Variants in CEP128 observed in about 807,000 individuals in gnomAD.
CEP128 encodes the protein centrosomal protein 128.
Under a neutral mutation model 156.7 loss-of-function variants are expected in CEP128, and 132 were observed. The observed-to-expected ratio is 0.84, with a 90% CI of 0.73 to 0.97. CEP128 has a LOEUF of 0.97. CEP128 is among the 50% of genes least tolerant of loss of function. The probability of loss-of-function intolerance (pLI) is 0.00; values close to 1 mark genes in which losing one functional copy is unlikely to be tolerated. For synonymous variants in CEP128, 469 were observed against 448.9 expected (o/e 1.04, Z -0.57); for missense variants, 1,252 against 1,281.9 (o/e 0.98, Z 0.36).
intron 9 of CEP128, among the ~76,000 whole-genome samples, chr14:80,856,061 A>T (rs1265577456): frequency 2.6e-5 from 4 of 152,214 alleles, no homozygotes; most frequent in Non-Finnish European, 5.9e-5. Context: ...TGTTGGAAAA[A>T]AAGTATCGAT....
intron 22 of CEP128, among the ~76,000 whole-genome samples, chr14:80,528,734 T>G (rs919963045): frequency 6.6e-6 from 1 of 152,204 alleles, no homozygotes. Context: ...GAGATAATAT[T>G]GTTCAGGTGC....
intron 19 of CEP128, among the ~76,000 whole-genome samples, chr14:80,712,755 C>T (rs533959063): frequency 6.6e-6 from 1 of 152,124 alleles, no homozygotes; most frequent in Non-Finnish European, 1.5e-5. Context: ...CAAAGTTCTG[C>T]CAATAAGCCT....
At chr14:80,605,699 A>T (rs1485460741) in intron 19 of CEP128, among the ~76,000 whole-genome samples, 1 of 152,024 alleles carries the variant, frequency 6.6e-6, no homozygotes, top group South Asian at 2.1e-4. Context: ...TGTCAAGGCA[A>T]AAAAAGGCCA....
intron 19 of CEP128, among the ~76,000 whole-genome samples, chr14:80,645,792 A>C (rs938749599): frequency 6.6e-6 from 1 of 152,178 alleles, no homozygotes; most frequent in East Asian, 1.9e-4. Context: ...AGCTTTATTC[A>C]TAATTGCCCA....
intron 19 of CEP128, among the ~76,000 whole-genome samples, chr14:80,660,732 G>C (rs1042515906): frequency 1.3e-5 from 2 of 152,172 alleles, no homozygotes; most frequent in Non-Finnish European, 2.9e-5. Flanking sequence ...AGAGGAAACT[G>C]AGGGTTAGAA....
intron 2 of CEP128, among the ~76,000 whole-genome samples, chr14:80,937,900 A>AT (rs11453759): frequency 0.41 from 59,879 of 147,200 alleles, 12,206 homozygotes; most frequent in South Asian, 0.51. Context: ...AATCCTAAGA[A>AT]TTTTTTTTTT....
chr14:80,833,198 T>C (rs73338184), intron 12 of CEP128, among the ~76,000 whole-genome samples: 3,141 of 151,952 alleles, frequency 0.021, 39 homozygotes, highest in Middle Eastern at 0.062. Context: ...TGTGTGCATA[T>C]AACATGTCTC....
At chr14:80,819,834 A>C (rs1162041951) in intron 13 of CEP128, among the ~76,000 whole-genome samples, 1 of 152,184 alleles carries the variant, frequency 6.6e-6, no homozygotes, top group Non-Finnish European at 1.5e-5. Flanking sequence ...ACCTAGCACC[A>C]AACTCAATTC....
At chr14:80,816,769 C>T (rs1483414807) in intron 13 of CEP128, among the ~76,000 whole-genome samples, 1 of 152,046 alleles carries the variant, frequency 6.6e-6, no homozygotes, top group East Asian at 1.9e-4. Flanking sequence ...CTAAGAGAAT[C>T]GTAATTTTGT....
chr14:80,515,225 G>T (rs1425038804), intron 23 of CEP128, among the ~76,000 whole-genome samples: 1 of 152,154 alleles, frequency 6.6e-6, no homozygotes, highest in Non-Finnish European at 1.5e-5. Flanking sequence ...AAGGCCTGTA[G>T]CTTCTTCAGT....
chr14:80,765,234 T>C (rs1900180862), intron 16 of CEP128, among the ~76,000 whole-genome samples: 1 of 152,188 alleles, frequency 6.6e-6, no homozygotes, highest in Admixed American at 6.5e-5. Context: ...GCATATTTAT[T>C]TGAACACTAA....
chr14:80,717,435 A>G (rs1897647921), intron 19 of CEP128, among the ~76,000 whole-genome samples: 1 of 152,194 alleles, frequency 6.6e-6, no homozygotes, highest in South Asian at 2.1e-4. Context: ...TACCTAGAAC[A>G]GTGTTTTCAG....
At chr14:80,886,801 G>A (rs1888827925) in intron 8 of CEP128, among the ~76,000 whole-genome samples, 2 of 152,148 alleles carry the variant, frequency 1.3e-5, no homozygotes, top group Admixed American at 6.5e-5. Context: ...AATGTAAATG[G>A]GCTAAATGCC....
At chr14:80,953,557 C>A (rs1886514203) in intron 2 of CEP128, among the ~76,000 whole-genome samples, 1 of 152,210 alleles carries the variant, frequency 6.6e-6, no homozygotes, top group African/African-American at 2.4e-5. Context: ...TGCACTCCAG[C>A]CTGGGCGACA....
Position 80,904,672 on chromosome 14 carries a change from C to T in CEP128, c.480+141G>A, listed in dbSNP as rs774414648. 2.1e-4 allele frequency: 123 copies of T among 577,082 alleles called. No individual in the cohort carries two copies. The Middle Eastern group carries it at 2.4e-3, about 11-fold the overall frequency. The allele number at this position is 577,082 out of a possible 1,614,324, so 35.7% of individuals were successfully genotyped here. A position where few individuals can be genotyped will look rare whatever the true frequency, so the allele number is the denominator to read the frequency against. ...AAAAGTAAAAGTCGTTTACTTGGTT[C>T]CAAAAAAAGGGATCAGTATAAAGTT... is the stretch of plus-strand genomic sequence containing the variant. On this transcript the variant is annotated intron_variant, in intron 6 of 24. Coordinates refer to ENST00000555265, the MANE Select transcript of CEP128 (RefSeq NM_152446.5).
chr14:80,657,835 A>C (rs1331466108), intron 19 of CEP128, among the ~76,000 whole-genome samples: 1 of 152,198 alleles, frequency 6.6e-6, no homozygotes, highest in Non-Finnish European at 1.5e-5. Context: ...AATTTTGAAC[A>C]AGAAAAAGAA....
chr14:80,589,625 A>T (rs1047898548), intron 19 of CEP128, among the ~76,000 whole-genome samples: 2 of 152,096 alleles, frequency 1.3e-5, no homozygotes, highest in Admixed American at 1.3e-4. Flanking sequence ...TTTCTTACTG[A>T]GTTGCCTAAA....
chr14:80,929,500 A>C (rs1851465112), intron 2 of CEP128, among the ~76,000 whole-genome samples: 1 of 152,232 alleles, frequency 6.6e-6, no homozygotes, highest in Admixed American at 6.5e-5. Context: ...TGCATAAGGA[A>C]AATGTGGTAT....
chr14:80,885,432 C>T (rs1888749429), intron 8 of CEP128, among the ~76,000 whole-genome samples: 1 of 152,146 alleles, frequency 6.6e-6, no homozygotes, highest in Non-Finnish European at 1.5e-5. Context: ...GAGGAAGAAG[C>T]AGGCAACAAT....
Sources: gnomAD v4.1 joint callset for allele counts (sites outside exome capture counted in the v4.1 genomes callset) on GRCh38, gnomAD v4.1.1 for gene constraint, MANE v1.5 for transcripts, NCBI Gene and HGNC (gene_info 2026-07-23, HGNC 2026-07-21) for gene names.